VPS53: variants seen among roughly 807,000 people sequenced by gnomAD.
The protein encoded by VPS53 is VPS53 subunit of GARP complex, also known as vacuolar protein sorting-associated protein 53 homolog.
A neutral mutation model predicts 107.0 loss-of-function variants in VPS53; 70 were observed. The ratio of observed to expected loss-of-function variants is 0.65; its 90% CI spans 0.54 to 0.80. The LOEUF is 0.80. Ranked by LOEUF, VPS53 falls within the 30% of genes least tolerant of loss-of-function variation. VPS53 has a pLI of 0.00. For missense variants in VPS53, 917 were observed against 1,049.4 expected, an observed-to-expected ratio of 0.87 and a Z score of 1.74; for synonymous variants, 409 against 393.3, an observed-to-expected ratio of 1.04 and a Z score of -0.47.
At chr17:650,389 C>T (rs369213063) in intron 7 of VPS53, among the ~76,000 whole-genome samples, 5 of 151,900 alleles carry the variant, frequency 3.3e-5, no homozygotes, top group African/African-American at 1.2e-4. Flanking sequence ...CCTGGCTACT[C>T]AGGAGGTGGA....
At chr17:521,534 C>T (rs1908746101) in intron 20 of VPS53, 67 bp downstream of exon 20, 2 of 1,461,334 alleles carry the variant, frequency 1.4e-6, no homozygotes, top group African/African-American at 1.4e-5. Flanking sequence ...CCTGTGCTTT[C>T]AAAACCAAGG....
intron 4 of VPS53, among the ~76,000 whole-genome samples, chr17:669,443 A>T (rs1971841278): frequency 6.6e-6 from 1 of 152,092 alleles, no homozygotes. Flanking sequence ...TACTAAAAAA[A>T]TTAGCTGTGT....
chr17:553,555 T>G (rs1455157337), intron 15 of VPS53, 93 bp from the exon 16 acceptor site: 1 of 955,634 alleles, frequency 1.0e-6, no homozygotes, highest in Non-Finnish European at 1.6e-6. Context: ...GTTTGATGAT[T>G]CAGGCATAAT....
Position 524,952 on chromosome 17 carries a change from T to C in VPS53, c.2086-3214A>G, listed in dbSNP as rs1567597699. Among the ~76,000 whole-genome samples, 1 of 152,088 alleles carries C rather than the reference T, an allele frequency of 6.6e-6. No homozygotes were observed. Among genetic ancestry groups the C allele is most frequent in the African/African-American group, 2.4e-5 (1 of 41,424 alleles). On this transcript the variant is annotated intron_variant, in intron 19 of 21. Coordinates refer to ENST00000437048, the MANE Select transcript of VPS53 (RefSeq NM_001128159.3). The surrounding 1 kb of genome is among the most constrained non-coding windows in gnomAD (Gnocchi z 4.5). Reference sequence around the variant, plus strand: ...ACACAGCATTAATACTTATATCCATTAGAGGAATTCTTGCCCATGTAAAAA... The same window carrying C: ...ACACAGCATTAATACTTATATCCATCAGAGGAATTCTTGCCCATGTAAAAA...
intron 13 of VPS53, among the ~76,000 whole-genome samples, chr17:563,015 T>G (rs1191524535): frequency 1.3e-5 from 2 of 152,170 alleles, no homozygotes; most frequent in East Asian, 3.9e-4. Flanking sequence ...ATTATCATAT[T>G]GGACTCCAAA....
At chr17:548,386 C>T (rs12941282) in intron 17 of VPS53, among the ~76,000 whole-genome samples, 168 of 136,810 alleles carry the variant, frequency 1.2e-3, no homozygotes, top group African/African-American at 3.0e-3. Flanking sequence ...CTTCTGGAAT[C>T]ATCCAATGAC....
At chr17:662,787 A>G (rs12948486) in intron 4 of VPS53, among the ~76,000 whole-genome samples, 13,764 of 76,364 alleles carry the variant, frequency 0.18, 1,675 homozygotes, top group East Asian at 0.37. Context: ...AAGAAAGAAA[A>G]AAAGAAAGAG....
chr17:594,382 T>C (rs1967842620), intron 12 of VPS53, among the ~76,000 whole-genome samples: 1 of 152,246 alleles, frequency 6.6e-6, no homozygotes, highest in South Asian at 2.1e-4. Context: ...CAACACTGTG[T>C]GGGAGGCAAA....
At chr17:628,335 T>A in intron 8 of VPS53, 104 bp from the exon 9 acceptor site, 1 of 1,338,626 alleles carries the variant, frequency 7.5e-7, no homozygotes, top group Admixed American at 2.4e-5. Flanking sequence ...TCAGTCTTAC[T>A]CCTGCTCCTT....
chr17:667,847 C>T (rs1037970107), intron 4 of VPS53, among the ~76,000 whole-genome samples: 1 of 152,148 alleles, frequency 6.6e-6, no homozygotes, highest in Non-Finnish European at 1.5e-5. Context: ...AGCTCCCCCT[C>T]CTCAGATCAG....
At chr17:689,048 T>C (rs1972688994) in intron 4 of VPS53, among the ~76,000 whole-genome samples, 1 of 152,208 alleles carries the variant, frequency 6.6e-6, no homozygotes, top group African/African-American at 2.4e-5. Flanking sequence ...TATGTTTTAG[T>C]AGGAAGAAGC....
In VPS53 at chr17:512,485, TC is replaced by T. The variant is rs1267468352; in HGVS notation, c.*6642del. 6.6e-6 allele frequency: 1 copy of T among 152,156 alleles called. No homozygotes were observed. The allele number at this position is 152,156 out of a possible 1,614,324, so 9.4% of individuals were successfully genotyped here. On this transcript the variant is annotated 3_prime_UTR_variant, in exon 22 of 22. Transcript: ENST00000437048. Reference sequence around the variant, plus strand: ...GGACACGTCCTTCATGTCCCACAGATCCATGGATCGCCGGCATCTTCCCTCC... The same window carrying T: ...GGACACGTCCTTCATGTCCCACAGATCATGGATCGCCGGCATCTTCCCTCC...
At chr17:712,081 G>T (rs370133407) in intron 1 of VPS53, among the ~76,000 whole-genome samples, 63 of 151,536 alleles carry the variant, frequency 4.2e-4, no homozygotes, top group African/African-American at 1.5e-3. Context: ...CTCCCAAAGT[G>T]CTGGGATTAC....
intron 13 of VPS53, among the ~76,000 whole-genome samples, chr17:565,381 C>G (rs1281235797): frequency 1.0e-5 from 1 of 98,534 alleles, no homozygotes; most frequent in East Asian, 3.4e-4. Context: ...ACAGCCTGGG[C>G]AACAAGAGCG....
At position 711,646 on chromosome 17, in the gene VPS53, T is replaced by A. The variant is rs143536661; in HGVS notation, c.88-1033A>T. Among the ~76,000 whole-genome samples, 53 of 152,228 alleles carry A rather than the reference T, an allele frequency of 3.5e-4. No individual in the cohort carries two copies. The East Asian group carries it at 9.8e-3, about 28-fold the overall frequency. On this transcript the variant is annotated intron_variant, in intron 1 of 21. Transcript: ENST00000437048. The stretch of plus-strand genomic sequence containing the variant: ...CCTCAAGTTGCTCTCAGTTTCTGTA[T>A]TCCTCTCACGACTCCTAGGTTTTAG...
At chr17:567,601 A>C (rs1039948747) in intron 13 of VPS53, among the ~76,000 whole-genome samples, 1 of 151,888 alleles carries the variant, frequency 6.6e-6, no homozygotes, top group African/African-American at 2.4e-5. Context: ...CCCAGGCTCA[A>C]GCAATTCTCC....
intron 10 of VPS53, among the ~76,000 whole-genome samples, chr17:625,717 A>G (rs1969681632): frequency 6.6e-6 from 1 of 152,118 alleles, no homozygotes; most frequent in Non-Finnish European, 1.5e-5. Context: ...ACTGCTCTAA[A>G]AGGTAAAATC....
chr17:630,299 A>C (rs1396199354), intron 8 of VPS53, among the ~76,000 whole-genome samples: 5 of 149,636 alleles, frequency 3.3e-5, no homozygotes, highest in African/African-American at 7.6e-5. Context: ...CAAAAAAAAA[A>C]CAAACAAACA....
intron 17 of VPS53, among the ~76,000 whole-genome samples, chr17:541,206 G>A (rs1429750018): frequency 3.9e-5 from 6 of 152,186 alleles, no homozygotes; most frequent in Non-Finnish European, 8.8e-5. Context: ...TCACTCTGAT[G>A]CCTGGTGGGG....
Sources: gnomAD v4.1 joint callset for allele counts (sites outside exome capture counted in the v4.1 genomes callset) on GRCh38, gnomAD v4.1.1 for gene constraint, Gnocchi (gnomAD v3.1) non-coding constraint, MANE v1.5 for transcripts, NCBI Gene and HGNC (gene_info 2026-07-23, HGNC 2026-07-21) for gene names.